ZC3H7B: variants seen among roughly 807,000 people sequenced by gnomAD.
ZC3H7B encodes zinc finger CCCH domain-containing protein 7B.
A neutral mutation model predicts 116.0 loss-of-function variants in ZC3H7B; 35 were observed. The ratio of observed to expected loss-of-function variants is 0.30; its 90% CI spans 0.23 to 0.40. The LOEUF is 0.40. ZC3H7B is among the 10% of genes least tolerant of loss of function. ZC3H7B has a pLI of 1.00. For missense variants in ZC3H7B, 1,011 were observed against 1,321.5 expected, an observed-to-expected ratio of 0.77 and a Z score of 3.64; for synonymous variants, 502 against 545.6, an observed-to-expected ratio of 0.92 and a Z score of 1.11.
rs770830288 is a variant in ZC3H7B, at chr22:41,342,512, CCTT to C, written c.1198-15_1198-13del. The C allele has an allele frequency of 1.9e-6, 3 of 1,611,832 alleles. No homozygotes were observed. In the Admixed American group the frequency reaches 5.0e-5, roughly 27 times the overall value. On this transcript the variant is annotated splice_polypyrimidine_tract_variant and intron_variant, in intron 11 of 22. Transcript: ENST00000352645. Reference sequence around the variant, plus strand: ...CATCATCCAGTGCCCACAATGGCCTCCTTCCTCCTGTCACAGCCAGAGCCCTGC... The same window carrying C: ...CATCATCCAGTGCCCACAATGGCCTCCCTCCTGTCACAGCCAGAGCCCTGC...
chr22:41,349,426 C>CGG lies in ZC3H7B; in HGVS notation c.1948+127_1948+128dup. ...GCCCCATGGTCGCTGGAGGGGGCTT[C>CGG]GGGAGAGTTCAGGAGAGGTGGCTGC... On this transcript the variant is annotated intron_variant, in intron 16 of 22. Coordinates refer to ENST00000352645, the MANE Select transcript of ZC3H7B (RefSeq NM_017590.6). This position sits in a 1 kb window ranked among gnomAD's most constrained non-coding sequence, Gnocchi z 4.9. The CGG allele has an allele frequency of 7.7e-7, 1 of 1,300,490 alleles. No individual in the cohort carries two copies. Among genetic ancestry groups the CGG allele is most frequent in the Admixed American group, 2.2e-5 (1 of 45,794 alleles). 80.6% of individuals were successfully genotyped at this position (1,300,490 alleles called of 1,614,324 possible). A position where few individuals can be genotyped will look rare whatever the true frequency, so the allele number is the denominator to read the frequency against.
In ZC3H7B at chr22:41,357,055, G is replaced by A. The variant is rs28638318; in HGVS notation, c.2682-122G>A. On this transcript the variant is annotated intron_variant, in intron 22 of 22. Coordinates refer to ENST00000352645, the MANE Select transcript of ZC3H7B (RefSeq NM_017590.6). The surrounding 1 kb of genome is among the most constrained non-coding windows in gnomAD (Gnocchi z 5.4). The stretch of plus-strand genomic sequence containing the variant: ...GTCAGGACACCCAGGTTTTCCCTGA[G>A]CTGGGACCCAGCTGCCCAGGGAGAG... 0.23 allele frequency: 346,026 copies of A among 1,485,126 alleles called. 44,474 individuals carry two copies. Among genetic ancestry groups the A allele is most frequent in the Admixed American group, 0.45 (21,666 of 47,958 alleles). 92.0% of individuals were successfully genotyped at this position (1,485,126 alleles called of 1,614,324 possible).
intron 1 of ZC3H7B, among the ~76,000 whole-genome samples, chr22:41,306,765 G>A (rs1057209833): frequency 6.6e-6 from 1 of 152,156 alleles, no homozygotes; most frequent in Admixed American, 6.5e-5. Flanking sequence ...TCAGTGAAGT[G>A]CAGAAGGGGC....
At chr22:41,328,234 A>C (rs1423690320) in intron 5 of ZC3H7B, among the ~76,000 whole-genome samples, 1 of 152,146 alleles carries the variant, frequency 6.6e-6, no homozygotes, top group Non-Finnish European at 1.5e-5. Flanking sequence ...GTACTTACTC[A>C]TGAGGAGGAC....
Position 41,327,183 on chromosome 22 carries a change from G to T in ZC3H7B, c.286-23G>T. On this transcript the variant is annotated intron_variant, in intron 4 of 22. Transcript: ENST00000352645. This position sits in a 1 kb window ranked among gnomAD's most constrained non-coding sequence, Gnocchi z 4.5. ...GGGAGGGTAACAGGTGTTGACCAGT[G>T]ACCACATGCTCCTCTCTGGCAGGGC... The T allele has an allele frequency of 6.2e-7, 1 of 1,612,250 alleles. No individual in the cohort carries two copies. The highest frequency in any genetic ancestry group is 1.1e-5 in the South Asian group (1 of 91,016).
intron 17 of ZC3H7B, among the ~76,000 whole-genome samples, chr22:41,353,353 C>G (rs1475504504): frequency 6.6e-6 from 1 of 152,218 alleles, no homozygotes; most frequent in Non-Finnish European, 1.5e-5. Flanking sequence ...TCTCCCTCCC[C>G]ACCTGCGGCA....
Position 41,351,530 on chromosome 22 carries a change from A to G in ZC3H7B, c.1949-31A>G, listed in dbSNP as rs928411130. The G allele has an allele frequency of 1.2e-6, 2 of 1,600,998 alleles. No homozygotes were observed. Among genetic ancestry groups the G allele is most frequent in the African/African-American group, 2.7e-5 (2 of 74,722 alleles). On this transcript the variant is annotated intron_variant, in intron 16 of 22. Coordinates refer to ENST00000352645, the MANE Select transcript of ZC3H7B (RefSeq NM_017590.6). The surrounding 1 kb of genome is among the most constrained non-coding windows in gnomAD (Gnocchi z 5.1). ...CTCCCTCCTTGCTGAGCACCTTGAA[A>G]GATGCCTGTGTCTGCCCCCACCCTC...
rs902414480 is a variant in ZC3H7B, at chr22:41,355,320, C to A, written c.2035-149C>A. ...TGGCTCTCCTGGGAAGCCCTTGGGC[C>A]TGCAGTTGGGAGGTCACTGCCTGCC... On this transcript the variant is annotated intron_variant, in intron 17 of 22. Transcript: ENST00000352645. 3.5e-6 allele frequency: 4 copies of A among 1,130,502 alleles called. No homozygotes were observed. In the African/African-American group the frequency reaches 4.7e-5, roughly 13 times the overall value. The allele number at this position is 1,130,502 out of a possible 1,614,324, so 70.0% of individuals were successfully genotyped here.
At chr22:41,354,161 C>A (rs1419824509) in intron 17 of ZC3H7B, among the ~76,000 whole-genome samples, 2 of 152,174 alleles carry the variant, frequency 1.3e-5, no homozygotes, top group African/African-American at 4.8e-5. Context: ...CAGTGGCTGT[C>A]ATTAGTGCAG....
chr22:41,329,940 C>T (rs781278146), intron 5 of ZC3H7B, 83 bp from the exon 6 acceptor site: 70 of 1,461,542 alleles, frequency 4.8e-5, no homozygotes, highest in African/African-American at 9.7e-5. Flanking sequence ...GACCTCCCTC[C>T]GTAGGGCTGC....
chr22:41,338,919 A>G lies in ZC3H7B; in HGVS notation c.626-82A>G. On this transcript the variant is annotated intron_variant, in intron 8 of 22. Coordinates refer to ENST00000352645, the MANE Select transcript of ZC3H7B (RefSeq NM_017590.6). The surrounding 1 kb of genome is among the most constrained non-coding windows in gnomAD (Gnocchi z 4.5). ...CTGAAAGAAGAAGGGAAAGTGTTGG[A>G]TGAGCATCACGGGGCCCGGGACGCC... 1 of 1,369,766 alleles carries G rather than the reference A, an allele frequency of 7.3e-7. No homozygotes were observed. 84.9% of individuals were successfully genotyped at this position (1,369,766 alleles called of 1,614,324 possible). A position where few individuals can be genotyped will look rare whatever the true frequency, so the allele number is the denominator to read the frequency against.
rs2036594356 is a variant in ZC3H7B at position 41,346,987 on chromosome 22, G to A, written c.1665+779G>A. Among the ~76,000 whole-genome samples, 1 of 145,844 alleles carries A rather than the reference G, an allele frequency of 6.9e-6. No homozygotes were observed. The highest frequency in any genetic ancestry group is 1.5e-5 in the Non-Finnish European group (1 of 66,970). ...ATTCCAAAAAAAAAAAAAAAAAAAT[G>A]TCATTTCCATCGTCACGGCAGTGCT... is the stretch of plus-strand genomic sequence containing the variant. On this transcript the variant is annotated intron_variant, in intron 14 of 22. Coordinates refer to ENST00000352645, the MANE Select transcript of ZC3H7B (RefSeq NM_017590.6). This position sits in a 1 kb window ranked among gnomAD's most constrained non-coding sequence, Gnocchi z 5.3.
chr22:41,341,066 C>A lies in ZC3H7B; in HGVS notation c.1139-22C>A, dbSNP rs575822937. ...CGCCTCAGAGCCAGAGCCACTGACC[C>A]CTGTGTCTTCTCCCTGCCCAGAGGA... is the stretch of plus-strand genomic sequence containing the variant. On this transcript the variant is annotated intron_variant, in intron 10 of 22. Coordinates refer to ENST00000352645, the MANE Select transcript of ZC3H7B (RefSeq NM_017590.6). 569 of 1,611,260 alleles carry A rather than the reference C, an allele frequency of 3.5e-4. 8 individuals carry two copies. The South Asian group carries it at 6.2e-3, about 18-fold the overall frequency.
chr22:41,301,871 C>A (rs2035970153), intron 1 of ZC3H7B, 99 bp downstream of exon 1: 1 of 151,520 alleles, frequency 6.6e-6, no homozygotes, highest in South Asian at 2.1e-4. Flanking sequence ...CCGGGCCGGG[C>A]AGGGCTGGGG....
At chr22:41,342,706 G>T in intron 12 of ZC3H7B, 78 bp downstream of exon 12, 3 of 1,352,658 alleles carry the variant, frequency 2.2e-6, no homozygotes, top group Non-Finnish European at 2.0e-6. Flanking sequence ...CAGATCAAAA[G>T]AATCCCAGTG....
At chr22:41,354,215 A>G (rs5758307) in intron 17 of ZC3H7B, among the ~76,000 whole-genome samples, 63,242 of 152,096 alleles carry the variant, frequency 0.42, 16,854 homozygotes, top group African/African-American at 0.73. Context: ...ATCTCGCCCA[A>G]GAAATGGTAA....
rs1041828756 is a variant in ZC3H7B, at chr22:41,338,316, A to G, written c.586A>G (p.Thr196Ala). The change falls in exon 8 of 23, where the codon ACT becomes GCT. Residue 196 changes from threonine (T) to alanine (A), a missense_variant. This residue lies in a region of ZC3H7B where 322 missense variants were observed against 443.9 expected (regional missense o/e 0.73). Coordinates refer to ENST00000352645, the MANE Select transcript of ZC3H7B (RefSeq NM_017590.6). This position sits in a 1 kb window ranked among gnomAD's most constrained non-coding sequence, Gnocchi z 4.5. Reference protein sequence around the residue: ...GTAAGVADQGTSNGLGSIDDI... With the variant: ...GTAAGVADQGASNGLGSIDDI... ...CACTGTGGCCCTCTCCCCACAGGGA[A>G]CTTCTAATGGATTGGGGTCCATAGA... 6.2e-7 allele frequency: 1 copy of G among 1,613,342 alleles called. No individual in the cohort carries two copies. Among genetic ancestry groups the G allele is most frequent in the Non-Finnish European group, 8.5e-7 (1 of 1,179,854 alleles).
At chr22:41,343,365 C>A (rs776124589) in intron 12 of ZC3H7B, 50 bp from the exon 13 acceptor site, 2 of 1,573,268 alleles carry the variant, frequency 1.3e-6, no homozygotes, top group Admixed American at 3.5e-5. Flanking sequence ...CCAGCCATCA[C>A]TCTTCAATTC....
At chr22:41,310,305 G>C (rs986439980) in intron 1 of ZC3H7B, among the ~76,000 whole-genome samples, 2 of 152,158 alleles carry the variant, frequency 1.3e-5, no homozygotes, top group Non-Finnish European at 1.5e-5. Context: ...GACCCCTTCA[G>C]GGGGAGGCAC....
Sources: gnomAD v4.1 joint callset for allele counts (sites outside exome capture counted in the v4.1 genomes callset) on GRCh38, gnomAD v4.1.1 for gene constraint, gnomAD v4.1.1 regional missense constraint, Gnocchi (gnomAD v3.1) non-coding constraint, MANE v1.5 for transcripts, NCBI Gene and HGNC (gene_info 2026-07-23, HGNC 2026-07-21) for gene names.